LDLRAD4: variants seen among roughly 807,000 people sequenced by gnomAD.
LDLRAD4 encodes low-density lipoprotein receptor class A domain-containing protein 4.
LDLRAD4 carries 5 observed loss-of-function variants against 17.0 expected under a neutral mutation model. The ratio of observed to expected loss-of-function variants is 0.29; its 90% confidence interval spans 0.15 to 0.62. The LOEUF is 0.62. Ranked by LOEUF, LDLRAD4 falls within the 20% of genes least tolerant of loss-of-function variation. The pLI is 0.84. For missense variants in LDLRAD4, 340 were observed against 424.7 expected (o/e 0.80, Z 1.75); for synonymous variants, 168 against 171.8 (o/e 0.98, Z 0.17).
rs991740907 is a variant in LDLRAD4, at chr18:13,621,886, G to A, written c.336+615G>A. Among the ~76,000 whole-genome samples, 8 of 152,042 alleles carry A rather than the reference G, an allele frequency of 5.3e-5. No homozygotes were observed. Among genetic ancestry groups the A allele is most frequent in the African/African-American group, 9.7e-5 (4 of 41,422 alleles). ...TGGGGTTGTGGAGGGTGGGGTTGTC[G>A]GCGGTGGACCCTCAAGCCAAACTGC... On this transcript the variant is annotated intron_variant, in intron 4 of 5. Transcript: ENST00000359446. The surrounding 1 kb of genome is among the most constrained non-coding windows in gnomAD (Gnocchi z 5.5).
At chr18:13,471,029 G>A (rs1235141218) in intron 3 of LDLRAD4, 1 of 152,224 alleles carries the variant, frequency 6.6e-6, no homozygotes, top group Non-Finnish European at 1.5e-5. Context: ...TGTCTTTACT[G>A]TGGGTGAAAG....
chr18:13,623,344 G>T (rs2148828277), intron 4 of LDLRAD4, among the ~76,000 whole-genome samples: 1 of 152,340 alleles, frequency 6.6e-6, no homozygotes, highest in Middle Eastern at 3.4e-3. Flanking sequence ...TCCACACAGT[G>T]GTCCACATCC....
At chr18:13,408,993 G>C (rs192166045) in intron 2 of LDLRAD4, among the ~76,000 whole-genome samples, 6 of 152,218 alleles carry the variant, frequency 3.9e-5, no homozygotes, top group African/African-American at 1.2e-4. Context: ...GTGTGCACAG[G>C]GTGAAGGTCT....
chr18:13,332,069 G>GT (rs1169523976), intron 1 of LDLRAD4, among the ~76,000 whole-genome samples: 3 of 152,190 alleles, frequency 2.0e-5, no homozygotes, highest in Admixed American at 6.5e-5. Flanking sequence ...TTTGCAGGGG[G>GT]TGGGTAGCCT....
At chr18:13,361,884 T>C (rs977579621) in intron 1 of LDLRAD4, among the ~76,000 whole-genome samples, 1 of 152,020 alleles carries the variant, frequency 6.6e-6, no homozygotes, top group Non-Finnish European at 1.5e-5. Context: ...CTGTTTGCAA[T>C]GGGGTTTGAC....
chr18:13,320,671 C>A (rs1331625783), intron 1 of LDLRAD4, among the ~76,000 whole-genome samples: 1 of 152,166 alleles, frequency 6.6e-6, no homozygotes, highest in African/African-American at 2.4e-5. Context: ...ACTGCAGTCC[C>A]CAACAGTGAG....
intron 1 of LDLRAD4, among the ~76,000 whole-genome samples, chr18:13,235,469 A>G (rs2042289511): frequency 6.6e-6 from 1 of 152,230 alleles, no homozygotes; most frequent in South Asian, 2.1e-4. Context: ...GCTACCTGGA[A>G]GTCTGACTCA....
rs1014704976 is a variant in LDLRAD4, at chr18:13,266,248, CAGA to C, written c.-466-11853_-466-11851del. Among the ~76,000 whole-genome samples, 61 of 152,332 alleles carry C rather than the reference CAGA, an allele frequency of 4.0e-4. 2 individuals are homozygous for C. Among genetic ancestry groups the C allele is most frequent in the African/African-American group, 1.3e-3 (52 of 41,572 alleles). Reference sequence around the variant, plus strand: ...ACTTCTTCCTGTGGACCCAGGAACACAGAAGATCATTTTGCTACAGAGTCCGCA... The same window carrying C: ...ACTTCTTCCTGTGGACCCAGGAACACAGATCATTTTGCTACAGAGTCCGCA... On this transcript the variant is annotated intron_variant, in intron 1 of 5. Transcript: ENST00000399848.
intron 3 of LDLRAD4, among the ~76,000 whole-genome samples, chr18:13,513,112 G>A (rs1003271446): frequency 2.6e-5 from 4 of 152,196 alleles, no homozygotes; most frequent in Non-Finnish European, 5.9e-5. Context: ...AGCTCCATAA[G>A]TGTGCACAGT....
chr18:13,444,333 C>T (rs951041436), intron 3 of LDLRAD4, among the ~76,000 whole-genome samples: 14 of 152,220 alleles, frequency 9.2e-5, no homozygotes, highest in African/African-American at 3.1e-4. Context: ...AAACTCCAGG[C>T]GTGCAGGGGC....
At chr18:13,543,942 G>A (rs2094322159) in intron 3 of LDLRAD4, among the ~76,000 whole-genome samples, 1 of 152,236 alleles carries the variant, frequency 6.6e-6, no homozygotes, top group East Asian at 1.9e-4. Context: ...CTGGCATGGA[G>A]TATGTACCCG....
At chr18:13,384,079 C>A (rs116123185) in intron 1 of LDLRAD4, among the ~76,000 whole-genome samples, 2 of 152,274 alleles carry the variant, frequency 1.3e-5, no homozygotes, top group South Asian at 4.1e-4. Context: ...GCCATGACCA[C>A]GCTTAGACCT....
chr18:13,450,822 A>T (rs1054528857), intron 3 of LDLRAD4, among the ~76,000 whole-genome samples: 1 of 151,906 alleles, frequency 6.6e-6, no homozygotes, highest in Non-Finnish European at 1.5e-5. Flanking sequence ...CTTCAGGGGG[A>T]GTGTCGTGGG....
chr18:13,569,208 C>G (rs2094649768), intron 3 of LDLRAD4, among the ~76,000 whole-genome samples: 1 of 152,228 alleles, frequency 6.6e-6, no homozygotes, highest in African/African-American at 2.4e-5. Flanking sequence ...CTGGGGCCTT[C>G]CCCACACGTG....
intron 1 of LDLRAD4, among the ~76,000 whole-genome samples, chr18:13,318,227 C>T (rs528015003): frequency 6.6e-6 from 1 of 152,166 alleles, no homozygotes; most frequent in South Asian, 2.1e-4. Flanking sequence ...CTGTGGCCAT[C>T]GCTGATTTCT....
At chr18:13,632,864 G>A (rs912414530) in intron 4 of LDLRAD4, among the ~76,000 whole-genome samples, 13 of 152,258 alleles carry the variant, frequency 8.5e-5, no homozygotes, top group African/African-American at 1.9e-4. Flanking sequence ...CTGTAGGCAG[G>A]TCATCCTGAT....
intron 1 of LDLRAD4, among the ~76,000 whole-genome samples, chr18:13,315,801 A>T (rs1242558823): frequency 6.6e-6 from 1 of 151,334 alleles, no homozygotes; most frequent in Non-Finnish European, 1.5e-5. Flanking sequence ...AAAAAAAAAA[A>T]GAATGTATAA....
At chr18:13,333,353 A>G (rs1165761129) in intron 1 of LDLRAD4, among the ~76,000 whole-genome samples, 5 of 152,176 alleles carry the variant, frequency 3.3e-5, no homozygotes, top group African/African-American at 1.2e-4. Flanking sequence ...ATTTTTTCCC[A>G]GTATGTGGCT....
chr18:13,464,221 C>T (rs1220510369), intron 3 of LDLRAD4, among the ~76,000 whole-genome samples: 3 of 152,218 alleles, frequency 2.0e-5, no homozygotes, highest in Non-Finnish European at 4.4e-5. Flanking sequence ...TGGGAACACT[C>T]CATCTATCTG....
Sources: gnomAD v4.1 joint callset for allele counts (sites outside exome capture counted in the v4.1 genomes callset) on GRCh38, gnomAD v4.1.1 for gene constraint, Gnocchi (gnomAD v3.1) non-coding constraint, MANE v1.5 for transcripts, NCBI Gene and HGNC (gene_info 2026-07-23, HGNC 2026-07-21) for gene names.